CSDE1: variants seen among roughly 807,000 people sequenced by gnomAD.
The protein encoded by CSDE1 is cold shock domain containing E1, also known as cold shock domain-containing protein E1.
A neutral mutation model predicts 89.3 loss-of-function variants in CSDE1; 17 were observed. That is an observed-to-expected ratio of 0.19 (90% CI 0.13 to 0.29). The LOEUF is 0.29. Among genes scored for constraint, CSDE1 ranks in the 10% least tolerant of loss-of-function variants. The pLI is 1.00. For synonymous variants in CSDE1, 322 were observed against 332.8 expected (o/e 0.97, Z 0.35); for missense variants, 672 against 984.2 (o/e 0.68, Z 4.24).
At chr1:114,737,667 C>A in intron 4 of CSDE1, 104 bp from the exon 5 acceptor site, 2 of 827,828 alleles carry the variant, frequency 2.4e-6, no homozygotes, top group Non-Finnish European at 3.9e-6. Flanking sequence ...TACAGGGATG[C>A]ATTTTAATAT....
rs77254824 is a variant in CSDE1, at chr1:114,719,129, C to G, written c.2217-384G>C. Among the ~76,000 whole-genome samples the G allele has an allele frequency of 9.9e-3, 1,506 of 152,236 alleles. 24 individuals carry two copies. Among genetic ancestry groups the G allele is most frequent in the African/African-American group, 0.034 (1,415 of 41,542 alleles). On this transcript the variant is annotated intron_variant, in intron 18 of 19. Transcript: ENST00000358528. ...AAGTTCGAGATCAGCCTGGGCAAAACAGTGGGACCATGTCTCTACAAAAAA... is the reference window on the plus strand; with the variant it reads ...AAGTTCGAGATCAGCCTGGGCAAAAGAGTGGGACCATGTCTCTACAAAAAA...
rs1172759399 is a variant in CSDE1, at chr1:114,717,888, C to G, written c.*281G>C. The stretch of plus-strand genomic sequence containing the variant: ...ACAGGCAAAGTGGATTCTGCAATTA[C>G]CAGTTGCGTTAAATGCACCAAATAA... On this transcript the variant is annotated 3_prime_UTR_variant, in exon 20 of 20. Coordinates refer to ENST00000358528, the MANE Select transcript of CSDE1 (RefSeq NM_001007553.3). 2.4e-6 allele frequency: 1 copy of G among 409,806 alleles called. No homozygotes were observed. The highest frequency in any genetic ancestry group is 2.0e-5 in the African/African-American group (1 of 48,846). The allele number at this position is 409,806 out of a possible 1,614,324, so 25.4% of individuals were successfully genotyped here.
chr1:114,751,451 G>T (rs1035987186), intron 1 of CSDE1, among the ~76,000 whole-genome samples: 5 of 152,000 alleles, frequency 3.3e-5, no homozygotes, highest in African/African-American at 9.7e-5. Context: ...CGCAATCACT[G>T]GTACTAGTAA....
At position 114,732,597 on chromosome 1, in the gene CSDE1, C is replaced by T; in HGVS notation, c.1050+7G>A. 1.2e-6 allele frequency: 2 copies of T among 1,612,470 alleles called. No homozygotes were observed. Among genetic ancestry groups the T allele is most frequent in the Non-Finnish European group, 8.5e-7 (1 of 1,178,532 alleles). ...TAGATACATATCCAGTAATATCCAA[C>T]ACTTACCATTTCTCGGGCTTCATTA... On this transcript the variant is annotated splice_region_variant and intron_variant, in intron 10 of 19. Coordinates refer to ENST00000358528, the MANE Select transcript of CSDE1 (RefSeq NM_001007553.3).
At chr1:114,723,047 C>T (rs920813975) in intron 16 of CSDE1, among the ~76,000 whole-genome samples, 8 of 151,942 alleles carry the variant, frequency 5.3e-5, no homozygotes, top group South Asian at 4.1e-4. Flanking sequence ...ATAGTAGAGA[C>T]GGGGTTTCAC....
At chr1:114,726,015 C>T (rs1659775081) in intron 14 of CSDE1, among the ~76,000 whole-genome samples, 196 bp downstream of exon 14, 1 of 152,176 alleles carries the variant, frequency 6.6e-6, no homozygotes, top group Non-Finnish European at 1.5e-5. Context: ...TGGCACAGGC[C>T]TTTCTATTTC....
intron 6 of CSDE1, among the ~76,000 whole-genome samples, chr1:114,736,364 C>A (rs995492677): frequency 3.9e-5 from 6 of 152,154 alleles, no homozygotes; most frequent in Non-Finnish European, 5.9e-5. Context: ...AATGCTCAAA[C>A]TTTACCTTCT....
intron 2 of CSDE1, among the ~76,000 whole-genome samples, chr1:114,747,188 C>T (rs868188188): frequency 6.6e-6 from 1 of 152,164 alleles, no homozygotes; most frequent in African/African-American, 2.4e-5. Context: ...TTCTTTCTTG[C>T]CATTTTATGG....
intron 2 of CSDE1, among the ~76,000 whole-genome samples, chr1:114,747,463 T>C (rs1267952466): frequency 6.6e-6 from 1 of 152,236 alleles, no homozygotes; most frequent in Non-Finnish European, 1.5e-5. Flanking sequence ...TATATTAAAA[T>C]GTTCATGTAG....
chr1:114,720,312 C>A (rs1043486264), intron 17 of CSDE1: 2 of 444,690 alleles, frequency 4.5e-6, no homozygotes, highest in Admixed American at 8.0e-5. Context: ...TTCCCCATTG[C>A]ATAATATTAG....
chr1:114,727,700 T>C (rs1381331897), intron 12 of CSDE1: 3 of 152,172 alleles, frequency 2.0e-5, no homozygotes, highest in African/African-American at 4.8e-5. Context: ...TAAGAATGAT[T>C]AACTCTTAAA....
intron 12 of CSDE1, among the ~76,000 whole-genome samples, chr1:114,728,101 G>A (rs963524628): frequency 2.0e-5 from 3 of 152,012 alleles, no homozygotes; most frequent in Non-Finnish European, 4.4e-5. Context: ...AACATTACCA[G>A]GTATTATGTA....
chr1:114,753,484 C>G (rs1661415598), intron 1 of CSDE1, among the ~76,000 whole-genome samples: 1 of 152,172 alleles, frequency 6.6e-6, no homozygotes. Flanking sequence ...ATTGGTCAGG[C>G]AGTTTAATAT....
In CSDE1 at chr1:114,718,955, A is replaced by T. The variant is rs937914169; in HGVS notation, c.2217-210T>A. On this transcript the variant is annotated intron_variant, in intron 18 of 19. Transcript: ENST00000358528. ...CAAGGTCCCAACTTAATAGGAATGG[A>T]AGGAATCATTTGCAGACCCTAGACT... is the stretch of plus-strand genomic sequence containing the variant. 17 of 570,082 alleles carry T rather than the reference A, an allele frequency of 3.0e-5. No homozygotes were observed. The South Asian group carries it at 3.8e-4, about 13-fold the overall frequency. 35.3% of individuals were successfully genotyped at this position (570,082 alleles called of 1,614,324 possible).
At chr1:114,724,130 AGG>A in intron 15 of CSDE1, 128 bp from the exon 16 acceptor site, 1 of 956,950 alleles carries the variant, frequency 1.0e-6, no homozygotes, top group Non-Finnish European at 1.5e-6. Flanking sequence ...GAAATGGGGT[AGG>A]GAACCTGAAG....
intron 9 of CSDE1, among the ~76,000 whole-genome samples, chr1:114,733,060 A>C (rs1043653374): frequency 6.6e-6 from 1 of 152,126 alleles, no homozygotes; most frequent in African/African-American, 2.4e-5. Context: ...TATTTAAGGA[A>C]TTTTTCCAGG....
At chr1:114,752,686 T>C (rs1432009468) in intron 1 of CSDE1, among the ~76,000 whole-genome samples, 1 of 152,200 alleles carries the variant, frequency 6.6e-6, no homozygotes, top group Non-Finnish European at 1.5e-5. Context: ...AAATACTATG[T>C]TGTGATCTTC....
chr1:114,726,438 CCTT>C lies in CSDE1; in HGVS notation c.1465-55_1465-53del, dbSNP rs778770539. On this transcript the variant is annotated intron_variant, in intron 13 of 19. Transcript: ENST00000358528. ...CACCATATCACTTCCACACCAATCTCCTTAACTCAGAAAACAAGACCTATAACT... is the reference window on the plus strand; with the variant it reads ...CACCATATCACTTCCACACCAATCTCAACTCAGAAAACAAGACCTATAACT... The C allele has an allele frequency of 6.9e-6, 10 of 1,447,340 alleles. No homozygotes were observed. In the East Asian group the frequency reaches 1.7e-4, roughly 24 times the overall value. 89.7% of individuals were successfully genotyped at this position (1,447,340 alleles called of 1,614,324 possible).
intron 4 of CSDE1, 56 bp from the exon 5 acceptor site, chr1:114,737,619 T>A: frequency 1.5e-6 from 2 of 1,342,598 alleles, no homozygotes; most frequent in East Asian, 2.3e-5. Flanking sequence ...AGCAGCACTG[T>A]GCAATATAAA....
Sources: gnomAD v4.1 joint callset for allele counts (sites outside exome capture counted in the v4.1 genomes callset) on GRCh38, gnomAD v4.1.1 for gene constraint, MANE v1.5 for transcripts, NCBI Gene and HGNC (gene_info 2026-07-23, HGNC 2026-07-21) for gene names.